CNTRL: variants seen among roughly 807,000 people sequenced by gnomAD.
CNTRL encodes the protein 110 kDa centrosomal protein.
In CNTRL, 233 loss-of-function variants were observed where a neutral mutation model predicts 303.7. The ratio of observed to expected loss-of-function variants is 0.77; its 90% CI spans 0.69 to 0.86. The LOEUF is 0.86. Among genes scored for constraint, CNTRL ranks in the 40% least tolerant of loss-of-function variants. The probability of loss-of-function intolerance (pLI) is 0.00; values close to 1 mark genes in which losing one functional copy is unlikely to be tolerated. For missense variants in CNTRL, 2,524 were observed against 2,650.6 expected, an observed-to-expected ratio of 0.95 and a Z score of 1.05; for synonymous variants, 900 against 922.2, an observed-to-expected ratio of 0.98 and a Z score of 0.44.
chr9:121,164,886 C>T, intron 34 of CNTRL, 57 bp from the exon 35 acceptor site: 2 of 1,363,576 alleles, frequency 1.5e-6, no homozygotes, highest in South Asian at 1.3e-5. Flanking sequence ...CACTGTTCCT[C>T]AGTCATCTCC....
chr9:121,135,683 T>C, intron 14 of CNTRL, 123 bp from the exon 15 acceptor site: 1 of 839,014 alleles, frequency 1.2e-6, no homozygotes, highest in Non-Finnish European at 1.8e-6. Flanking sequence ...ACTGAAAACT[T>C]TGTGGCAGGC....
At position 121,168,127 on chromosome 9, in the gene CNTRL, G is replaced by A. The variant is rs1461545817; in HGVS notation, c.5876G>A (p.Ser1959Asn). Residue 1959 changes from serine (S) to asparagine (N), a missense_variant, in exon 38 of 44, where the codon AGT becomes AAT. Physicochemically the swap from Ser to Asn is conservative, Grantham distance 46. Transcript: ENST00000373855. ...MFQRLQKERE[S>N]EESKLETSKV... ...CAGAGACTCCAGAAAGAGAGAGAAAGTGAAGAAAGCAAATTAGAAACCAGT... is the reference window on the plus strand; with the variant it reads ...CAGAGACTCCAGAAAGAGAGAGAAAATGAAGAAAGCAAATTAGAAACCAGT... The A allele has an allele frequency of 6.2e-7, 1 of 1,613,514 alleles. No individual in the cohort carries two copies.
At position 121,141,691 on chromosome 9, in the gene CNTRL, G is replaced by T; in HGVS notation, c.2691+103G>T. 3.6e-6 allele frequency: 4 copies of T among 1,114,586 alleles called. No homozygotes were observed. In the South Asian group the frequency reaches 5.6e-5, roughly 16 times the overall value. 69.0% of individuals were successfully genotyped at this position (1,114,586 alleles called of 1,614,324 possible). A position where few individuals can be genotyped will look rare whatever the true frequency, so the allele number is the denominator to read the frequency against. ...TTTGTCATGTAAATACAACATAATT[G>T]TTGTTATTTTCACTTATAACAAGTC... is the stretch of plus-strand genomic sequence containing the variant. On this transcript the variant is annotated intron_variant, in intron 18 of 43. Transcript: ENST00000373855.
intron 2 of CNTRL, among the ~76,000 whole-genome samples, chr9:121,083,317 A>C (rs1167122607): frequency 1.3e-5 from 2 of 152,214 alleles, no homozygotes; most frequent in Non-Finnish European, 2.9e-5. Flanking sequence ...CACATTGTAC[A>C]GTTGTACAAA....
At chr9:121,145,194 G>C in intron 21 of CNTRL, 50 bp from the exon 22 acceptor site, 2 of 1,559,888 alleles carry the variant, frequency 1.3e-6, no homozygotes, top group Non-Finnish European at 1.7e-6. Context: ...AATGTGTTTG[G>C]GAAAGAATGA....
intron 12 of CNTRL, among the ~76,000 whole-genome samples, chr9:121,123,728 T>G (rs929764909): frequency 6.6e-6 from 1 of 152,188 alleles, no homozygotes; most frequent in African/African-American, 2.4e-5. Context: ...TTCTCACCTG[T>G]AAAGTGGAAA....
chr9:121,135,339 C>G (rs2051125918), intron 14 of CNTRL, among the ~76,000 whole-genome samples: 1 of 152,154 alleles, frequency 6.6e-6, no homozygotes, highest in Non-Finnish European at 1.5e-5. Flanking sequence ...CTTTTTCTAG[C>G]TACATAGCCC....
chr9:121,098,928 G>A (rs899400824), intron 7 of CNTRL, among the ~76,000 whole-genome samples: 5 of 152,178 alleles, frequency 3.3e-5, no homozygotes, highest in African/African-American at 1.2e-4. Flanking sequence ...GCAAAGAGAA[G>A]AGAGGGTTAG....
intron 26 of CNTRL, among the ~76,000 whole-genome samples, chr9:121,154,107 C>T (rs965207000): frequency 6.6e-6 from 1 of 152,184 alleles, no homozygotes; most frequent in Non-Finnish European, 1.5e-5. Flanking sequence ...AAGTAAAAAT[C>T]ATATGTATGC....
At chr9:121,119,722 C>A (rs974672730) in intron 12 of CNTRL, among the ~76,000 whole-genome samples, 1 of 152,124 alleles carries the variant, frequency 6.6e-6, no homozygotes, top group Non-Finnish European at 1.5e-5. Flanking sequence ...TCTCAAACTC[C>A]TGACCTCCTG....
rs548776801 is a variant in CNTRL, at chr9:121,097,808, T to G, written c.622-578T>G. Among the ~76,000 whole-genome samples the G allele has an allele frequency of 3.3e-5, 5 of 152,318 alleles. No homozygotes were observed. The South Asian group carries it at 1.0e-3, about 32-fold the overall frequency. On this transcript the variant is annotated intron_variant, in intron 6 of 43. Coordinates refer to ENST00000373855, the MANE Select transcript of CNTRL (RefSeq NM_007018.6). ...GTATGATGTCCTCACCCCATTGATA[T>G]TTGACATTGGCATTATGAAGAGTGC...
intron 2 of CNTRL, among the ~76,000 whole-genome samples, chr9:121,084,392 A>T (rs1439321750): frequency 2.0e-5 from 3 of 152,202 alleles, no homozygotes; most frequent in Non-Finnish European, 4.4e-5. Flanking sequence ...ACTAACTAGT[A>T]CATTTTACAT....
intron 8 of CNTRL, among the ~76,000 whole-genome samples, chr9:121,109,606 TTA>T (rs1378979859): frequency 6.6e-6 from 1 of 152,088 alleles, no homozygotes; most frequent in Non-Finnish European, 1.5e-5. Context: ...TATATATACC[TTA>T]TGCATTCATA....
intron 4 of CNTRL, among the ~76,000 whole-genome samples, chr9:121,092,136 A>C (rs2048604998): frequency 6.8e-6 from 1 of 147,012 alleles, no homozygotes; most frequent in Non-Finnish European, 1.5e-5. Context: ...TGTATTGCTT[A>C]TATATTTATA....
chr9:121,164,169 T>G (rs982201877), intron 34 of CNTRL, among the ~76,000 whole-genome samples: 21 of 152,196 alleles, frequency 1.4e-4, no homozygotes, highest in African/African-American at 5.1e-4. Context: ...TGGCCGGAAC[T>G]TTCATATATG....
Position 121,173,396 on chromosome 9 carries a change from G to T in CNTRL, c.6571G>T (p.Glu2191Ter), listed in dbSNP as rs1272146074. The change falls in exon 41 of 44, where the codon GAA (glutamate) becomes TAA (stop). Residue 2191 changes from glutamate (E) to a stop codon, truncating the protein, a stop_gained. Transcript: ENST00000373855. LOFTEE classifies it high-confidence loss of function. Reference protein sequence around the residue: ...ELPADLEAILERNENLEGELE... With the variant: ...ELPADLEAIL ...ACCAGCAGATCTAGAAGCTATTTTG[G>T]AAAGAAACGAAAACCTAGAAGGAGA... 6.2e-7 allele frequency: 1 copy of T among 1,614,090 alleles called. No individual in the cohort carries two copies. The highest frequency in any genetic ancestry group is 8.5e-7 in the Non-Finnish European group (1 of 1,180,022).
At chr9:121,116,015 TGTG>T (rs2049958992) in intron 11 of CNTRL, among the ~76,000 whole-genome samples, 2 of 151,968 alleles carry the variant, frequency 1.3e-5, no homozygotes, top group Admixed American at 6.6e-5. Context: ...TGGACAGACT[TGTG>T]GGGGAAATAA....
rs2052156323 is a variant in CNTRL at position 121,150,393 on chromosome 9, C to T, written c.3873C>T (p.Pro1291=). The T allele has an allele frequency of 1.2e-6, 2 of 1,614,048 alleles. No individual in the cohort carries two copies. Among genetic ancestry groups the T allele is most frequent in the African/African-American group, 2.7e-5 (2 of 74,930 alleles). Residue 1291 remains proline, a synonymous_variant, in exon 25 of 44, where the codon CCC becomes CCT. Transcript: ENST00000373855. ...ATGGCCCACCTCCTGCTGGGGCCCC[C>T]ATGGTGTATGGGCCTCCACCCCCCA... ...VVYGPPPAGA[P]MVYGPPPPNF... is the part of the protein sequence containing the mutation.
At position 121,162,266 on chromosome 9, in the gene CNTRL, C is replaced by G. The variant is rs374987371; in HGVS notation, c.5418C>G (p.Thr1806=). 13 of 1,612,622 alleles carry G rather than the reference C, an allele frequency of 8.1e-6. No homozygotes were observed. The highest frequency in any genetic ancestry group is 1.0e-5 in the Non-Finnish European group (12 of 1,178,980). ...CDIWEKKLAQ[T]KRVLAAAEEN... is the part of the protein sequence containing the mutation. ...TTTGGGAAAAAAAGTTGGCACAAAC[C>G]AAAAGGTGAGAGCAAGAACAAATAA... The change falls in exon 34 of 44, where the codon ACC becomes ACG. Residue 1806 remains threonine, a synonymous_variant. Coordinates refer to ENST00000373855, the MANE Select transcript of CNTRL (RefSeq NM_007018.6).
Sources: gnomAD v4.1 joint callset for allele counts (sites outside exome capture counted in the v4.1 genomes callset) on GRCh38, gnomAD v4.1.1 for gene constraint, MANE v1.5 for transcripts, NCBI Gene and HGNC (gene_info 2026-07-23, HGNC 2026-07-21) for gene names.